Variants in MGME1 observed in about 807,000 individuals in gnomAD.
The protein encoded by MGME1 is chromosome 20 open reading frame 72.
Under a neutral mutation model 33.0 loss-of-function variants are expected in MGME1, and 22 were observed. The observed-to-expected ratio is 0.67, with a 90% confidence interval of 0.48 to 0.95. The LOEUF is 0.95. Ranked by LOEUF, MGME1 falls within the 40% of genes least tolerant of loss-of-function variation. The probability of loss-of-function intolerance (pLI) is 0.00; values close to 1 mark genes in which losing one functional copy is unlikely to be tolerated. For synonymous variants in MGME1, 133 were observed against 144.0 expected, an observed-to-expected ratio of 0.92 and a Z score of 0.55; for missense variants, 383 against 397.8, an observed-to-expected ratio of 0.96 and a Z score of 0.32.
chr20:17,974,265 A>G (rs1368572025), intron 2 of MGME1, among the ~76,000 whole-genome samples: 2 of 152,014 alleles, frequency 1.3e-5, no homozygotes, highest in African/African-American at 2.4e-5. Flanking sequence ...GGGTTTTACC[A>G]TGTTGGCCAG....
chr20:17,979,854 C>T (rs2035964133), intron 3 of MGME1, among the ~76,000 whole-genome samples: 2 of 152,106 alleles, frequency 1.3e-5, no homozygotes, highest in South Asian at 4.1e-4. Context: ...ACCTCAGCTT[C>T]CCAAATAGCT....
chr20:17,976,870 A>G (rs1377342923), intron 3 of MGME1, among the ~76,000 whole-genome samples: 3 of 152,078 alleles, frequency 2.0e-5, no homozygotes, highest in African/African-American at 7.2e-5. Context: ...CATGTTGGTC[A>G]GGCTGGTCTC....
chr20:17,968,941 G>A (rs1181875984), upstream of MGME1: 1 of 156,664 alleles, frequency 6.4e-6, no homozygotes, highest in African/African-American at 2.4e-5. Flanking sequence ...GCTCGGAGAG[G>A]TACTCCCTGC....
intron 2 of MGME1, among the ~76,000 whole-genome samples, chr20:17,972,503 C>T (rs1052870113): frequency 6.7e-6 from 1 of 148,670 alleles, no homozygotes; most frequent in African/African-American, 2.5e-5. Flanking sequence ...CCAGTTCCAT[C>T]ATGAGAATAC....
At chr20:17,973,292 C>T (rs2035775632) in intron 2 of MGME1, among the ~76,000 whole-genome samples, 1 of 149,796 alleles carries the variant, frequency 6.7e-6, no homozygotes, top group African/African-American at 2.5e-5. Flanking sequence ...TGCAGTGAGC[C>T]GAGATCATAC....
At position 17,987,175 on chromosome 20, in the gene MGME1, A is replaced by G. The variant is rs1383420617; in HGVS notation, c.732-991A>G. Among the ~76,000 whole-genome samples, 305 of 151,002 alleles carry G rather than the reference A, an allele frequency of 2.0e-3. 2 individuals are homozygous for G. Among genetic ancestry groups the G allele is most frequent in the African/African-American group, 6.8e-3 (280 of 41,256 alleles). On this transcript the variant is annotated intron_variant, in intron 3 of 4. Transcript: ENST00000377710. The stretch of plus-strand genomic sequence containing the variant: ...AGCCTGAGTGAGACTCCATCTAAAA[A>G]AAAAAAAAAAAAAAGAAGAACCAGG...
intron 3 of MGME1, among the ~76,000 whole-genome samples, chr20:17,986,412 G>A (rs1183095824): frequency 3.3e-5 from 5 of 149,662 alleles, no homozygotes; most frequent in African/African-American, 1.2e-4. Context: ...GTCTGGCTTT[G>A]TTACCCACGC....
At chr20:17,989,152 G>A (rs957796945) in intron 4 of MGME1, among the ~76,000 whole-genome samples, 3 of 152,010 alleles carry the variant, frequency 2.0e-5, no homozygotes, top group Non-Finnish European at 2.9e-5. Flanking sequence ...TTGGGAGGCC[G>A]AGTTGGGCAG....
At chr20:17,981,849 T>G (rs1000786991) in intron 3 of MGME1, among the ~76,000 whole-genome samples, 3 of 151,378 alleles carry the variant, frequency 2.0e-5, no homozygotes, top group Non-Finnish European at 4.4e-5. Flanking sequence ...GACAGGGTTT[T>G]GCCATGTTGG....
chr20:17,968,673 C>T (rs1378602068), upstream of MGME1: 5 of 585,140 alleles, frequency 8.5e-6, no homozygotes, highest in South Asian at 3.4e-5. Context: ...ATCTTGGAGC[C>T]GGGCAAAGAC....
At chr20:17,971,204 C>T (rs1316800824) in intron 2 of MGME1, among the ~76,000 whole-genome samples, 1 of 152,214 alleles carries the variant, frequency 6.6e-6, no homozygotes, top group Non-Finnish European at 1.5e-5. Context: ...ACTCCTAAAA[C>T]TATGCGTGTA....
rs150776721 is a variant in MGME1 at position 17,982,433 on chromosome 20, C to T, written c.732-5733C>T. Among the ~76,000 whole-genome samples, 5 of 152,250 alleles carry T rather than the reference C, an allele frequency of 3.3e-5. No individual in the cohort carries two copies. In the East Asian group the frequency reaches 7.7e-4, roughly 23 times the overall value. On this transcript the variant is annotated intron_variant, in intron 3 of 4. Coordinates refer to ENST00000377710, the MANE Select transcript of MGME1 (RefSeq NM_052865.4). Reference sequence around the variant, plus strand: ...CCATGCCTGGCCTGTTTGTTTTAGACGTGTGATATATGCAGTTACAATCCA... The same window carrying T: ...CCATGCCTGGCCTGTTTGTTTTAGATGTGTGATATATGCAGTTACAATCCA...
chr20:17,973,467 G>C (rs1018603922), intron 2 of MGME1, among the ~76,000 whole-genome samples: 5 of 152,066 alleles, frequency 3.3e-5, no homozygotes, highest in African/African-American at 1.2e-4. Context: ...AGGCAACGTA[G>C]AGAGATTGCA....
intron 3 of MGME1, among the ~76,000 whole-genome samples, chr20:17,981,152 C>G (rs1239923999): frequency 6.6e-6 from 1 of 151,796 alleles, no homozygotes; most frequent in Non-Finnish European, 1.5e-5. Context: ...GAATATGTGC[C>G]CTCTATACTC....
At chr20:17,975,970 G>A (rs11696278) in intron 3 of MGME1, 67 bp downstream of exon 3, 2 of 1,216,734 alleles carry the variant, frequency 1.6e-6, no homozygotes, top group East Asian at 2.3e-5. Context: ...AGGTGTGCCT[G>A]TAGGTACTGT....
chr20:17,981,270 A>G (rs2036012650), intron 3 of MGME1, among the ~76,000 whole-genome samples: 1 of 152,220 alleles, frequency 6.6e-6, no homozygotes, highest in Non-Finnish European at 1.5e-5. Flanking sequence ...CTAGATACAC[A>G]GCATCACAAA....
chr20:17,983,268 TGTGTG>T (rs761360720), intron 3 of MGME1, among the ~76,000 whole-genome samples: 2 of 17,340 alleles, frequency 1.2e-4, no homozygotes, highest in Admixed American at 4.0e-4. Context: ...AGTGTTCTAT[TGTGTG>T]TGTGTGTGTG....
chr20:17,978,266 G>A lies in MGME1; in HGVS notation c.731+2363G>A, dbSNP rs575588719. Among the ~76,000 whole-genome samples the A allele has an allele frequency of 3.9e-5, 6 of 152,194 alleles. No homozygotes were observed. The South Asian group carries it at 1.0e-3, about 26-fold the overall frequency. ...GTTGCCCAGGTTGGAGTGCAATGGCGTGATCTTGGCTCACTGTAACCTCTG... is the reference window on the plus strand; with the variant it reads ...GTTGCCCAGGTTGGAGTGCAATGGCATGATCTTGGCTCACTGTAACCTCTG... On this transcript the variant is annotated intron_variant, in intron 3 of 4. Transcript: ENST00000377710.
At chr20:17,987,700 A>C (rs1296295728) in intron 3 of MGME1, among the ~76,000 whole-genome samples, 1 of 152,224 alleles carries the variant, frequency 6.6e-6, no homozygotes, top group Non-Finnish European at 1.5e-5. Flanking sequence ...AGTAATATAC[A>C]TGCTTTGTAC....
Sources: gnomAD v4.1 joint callset for allele counts (sites outside exome capture counted in the v4.1 genomes callset) on GRCh38, gnomAD v4.1.1 for gene constraint, MANE v1.5 for transcripts, NCBI Gene and HGNC (gene_info 2026-07-23, HGNC 2026-07-21) for gene names.